Variants in NPEPPS observed in about 807,000 individuals in gnomAD.
NPEPPS encodes the protein aminopeptidase puromycin sensitive.
A neutral mutation model predicts 115.5 loss-of-function variants in NPEPPS; 14 were observed. The observed-to-expected ratio is 0.12, with a 90% CI of 0.08 to 0.19. The LOEUF is 0.19. NPEPPS is among the 10% of genes least tolerant of loss of function. The pLI is 1.00. For missense variants in NPEPPS, 523 were observed against 1,110.8 expected (o/e 0.47, Z 7.52); for synonymous variants, 285 against 390.6 (o/e 0.73, Z 3.19).
chr17:47,575,580 A>AATTATTATTATT (rs10646632), intron 3 of NPEPPS, among the ~76,000 whole-genome samples: 2,528 of 144,070 alleles, frequency 0.018, 42 homozygotes, highest in East Asian at 0.049. Flanking sequence ...GACAATATTG[A>AATTATTATTATT]ATTATTATTA....
intron 3 of NPEPPS, among the ~76,000 whole-genome samples, chr17:47,574,795 T>A (rs1911409757): frequency 6.6e-6 from 1 of 152,154 alleles, no homozygotes; most frequent in South Asian, 2.1e-4. Context: ...TCTCGTTATG[T>A]TGCCTAGGCT....
chr17:47,525,237 A>T (rs1047669568), intron 1 of NPEPPS, among the ~76,000 whole-genome samples: 1 of 152,178 alleles, frequency 6.6e-6, no homozygotes, highest in Non-Finnish European at 1.5e-5. Flanking sequence ...GCTGCATTGG[A>T]ATCTCTTGGA....
intron 1 of NPEPPS, among the ~76,000 whole-genome samples, chr17:47,532,697 ATTAG>A (rs1425454423): frequency 6.7e-6 from 1 of 150,050 alleles, no homozygotes; most frequent in African/African-American, 2.5e-5. Flanking sequence ...GAAAGAAGCT[ATTAG>A]TTATAACATA....
At chr17:47,523,728 A>G (rs1597796591) in intron 1 of NPEPPS, among the ~76,000 whole-genome samples, 1 of 152,000 alleles carries the variant, frequency 6.6e-6, no homozygotes, top group Non-Finnish European at 1.5e-5. Context: ...TGGCCCAATA[A>G]TAGGCTTTTT....
intron 2 of NPEPPS, among the ~76,000 whole-genome samples, chr17:47,555,268 T>C (rs1170073736): frequency 6.6e-6 from 1 of 152,108 alleles, no homozygotes; most frequent in Non-Finnish European, 1.5e-5. Context: ...AAAAAACTGC[T>C]GTAAATTATG....
intron 2 of NPEPPS, among the ~76,000 whole-genome samples, chr17:47,546,529 T>A (rs1472298885): frequency 6.6e-6 from 1 of 152,210 alleles, no homozygotes; most frequent in Non-Finnish European, 1.5e-5. Flanking sequence ...ATTTTATTTT[T>A]AAATTTATTT....
At chr17:47,614,154 TAG>T (rs939773436) in intron 19 of NPEPPS, among the ~76,000 whole-genome samples, 1 of 151,992 alleles carries the variant, frequency 6.6e-6, no homozygotes, top group Non-Finnish European at 1.5e-5. Context: ...GTGTTTTTTG[TAG>T]AGAGAAGGTT....
At chr17:47,592,685 A>G in intron 12 of NPEPPS, 140 bp downstream of exon 12, 1 of 701,672 alleles carries the variant, frequency 1.4e-6, no homozygotes, top group Non-Finnish European at 2.3e-6. Flanking sequence ...AGCTGTGTTC[A>G]GGTTGAATAT....
At chr17:47,548,977 A>G (rs1016677116) in intron 2 of NPEPPS, among the ~76,000 whole-genome samples, 7 of 152,186 alleles carry the variant, frequency 4.6e-5, no homozygotes, top group African/African-American at 1.7e-4. Context: ...GAGTCAGGAG[A>G]GAAATGAAAA....
chr17:47,559,994 A>G (rs1411288187), intron 2 of NPEPPS, among the ~76,000 whole-genome samples: 1 of 152,186 alleles, frequency 6.6e-6, no homozygotes, highest in East Asian at 1.9e-4. Context: ...CTTCTCTGCT[A>G]GATCAGCAAA....
intron 19 of NPEPPS, among the ~76,000 whole-genome samples, chr17:47,616,140 A>G (rs1351297438): frequency 6.6e-6 from 1 of 152,174 alleles, no homozygotes; most frequent in Admixed American, 6.6e-5. Context: ...CATTTTACAC[A>G]TGGGGAAACT....
At chr17:47,563,176 C>T (rs1465386681) in intron 2 of NPEPPS, among the ~76,000 whole-genome samples, 2 of 151,798 alleles carry the variant, frequency 1.3e-5, no homozygotes, top group Non-Finnish European at 2.9e-5. Context: ...GGATTACAGG[C>T]GTGCACCACC....
intron 2 of NPEPPS, among the ~76,000 whole-genome samples, chr17:47,558,072 G>A (rs1163113116): frequency 2.6e-5 from 4 of 151,470 alleles, no homozygotes; most frequent in Admixed American, 6.6e-5. Context: ...GACTTCAGGT[G>A]TACGCCACCA....
intron 3 of NPEPPS, among the ~76,000 whole-genome samples, chr17:47,576,440 C>G (rs565630787): frequency 1.3e-5 from 2 of 152,190 alleles, no homozygotes; most frequent in South Asian, 4.1e-4. Context: ...TGCAGTGAGC[C>G]GAGATTGCAC....
chr17:47,569,650 C>T (rs1911074847), intron 3 of NPEPPS, among the ~76,000 whole-genome samples, 156 bp downstream of exon 3: 1 of 147,840 alleles, frequency 6.8e-6, no homozygotes, highest in African/African-American at 2.5e-5. Flanking sequence ...CGGAGTCTTA[C>T]TCTATTGCCC....
intron 1 of NPEPPS, among the ~76,000 whole-genome samples, chr17:47,535,423 T>G (rs953996714): frequency 3.4e-4 from 47 of 136,442 alleles, no homozygotes; most frequent in African/African-American, 1.3e-3. Flanking sequence ...TGGTGGCGGG[T>G]GCCTGTAGTC....
intron 1 of NPEPPS, among the ~76,000 whole-genome samples, chr17:47,537,676 G>C (rs1217822553): frequency 1.3e-5 from 2 of 151,782 alleles, no homozygotes; most frequent in East Asian, 3.9e-4. Flanking sequence ...ACTCCAGCCG[G>C]GGTGACACAG....
intron 17 of NPEPPS, among the ~76,000 whole-genome samples, chr17:47,610,776 T>G (rs1913807746): frequency 6.6e-6 from 1 of 152,062 alleles, no homozygotes; most frequent in South Asian, 2.1e-4. Context: ...TATACAAGTT[T>G]TTGTGTAGAC....
chr17:47,603,971 A>G lies in NPEPPS; in HGVS notation c.1797A>G (p.Glu599=). 3.1e-6 allele frequency: 5 copies of G among 1,613,748 alleles called. No homozygotes were observed. The highest frequency in any genetic ancestry group is 4.2e-6 in the Non-Finnish European group (5 of 1,179,724). Reference sequence around the variant, plus strand: ...CCCAGTACAGCTCTGCCATGCTGGAAAGTTTATTACCAGGCATTCGTGACC... The same window carrying G: ...CCCAGTACAGCTCTGCCATGCTGGAGAGTTTATTACCAGGCATTCGTGACC... ...YRTQYSSAML[E]SLLPGIRDLS... Residue 599 remains glutamate (E), a synonymous_variant, in exon 16 of 23, where the codon GAA becomes GAG. Coordinates refer to ENST00000322157, the MANE Select transcript of NPEPPS (RefSeq NM_006310.4).
Sources: allele counts gnomAD v4.1 joint callset (sites outside exome capture counted in the v4.1 genomes callset), GRCh38; gene constraint gnomAD v4.1.1; transcripts MANE v1.5; gene names NCBI Gene and HGNC (gene_info 2026-07-23, HGNC 2026-07-21).